The following MKLN1 variants were observed in gnomAD, a reference collection of about 807,000 sequenced individuals.
MKLN1 encodes the protein muskelin.
Under a neutral mutation model 99.0 loss-of-function variants are expected in MKLN1, and 18 were observed. That is an observed-to-expected ratio of 0.18 (90% CI 0.13 to 0.27). The LOEUF is 0.27. Among genes scored for constraint, MKLN1 ranks in the 10% least tolerant of loss-of-function variants. MKLN1 has a pLI of 1.00. For missense variants in MKLN1, 621 were observed against 875.9 expected, an observed-to-expected ratio of 0.71 and a Z score of 3.67; for synonymous variants, 288 against 293.2, an observed-to-expected ratio of 0.98 and a Z score of 0.18.
rs1421823990 is a variant in MKLN1, at chr7:131,429,097, T to C, written c.912T>C (p.Ser304=). ...TQDLADFWAY[S]VKENQWTCIS... is the part of the protein sequence containing the mutation. ...ATCTTGCTGACTTCTGGGCGTACAGTGTGAAGGAGAACCAGTGGACATGTA... is the reference window on the plus strand; with the variant it reads ...ATCTTGCTGACTTCTGGGCGTACAGCGTGAAGGAGAACCAGTGGACATGTA... Residue 304 remains serine (S), a synonymous_variant, in exon 9 of 18, where the codon AGT becomes AGC. Coordinates refer to ENST00000352689, the MANE Select transcript of MKLN1 (RefSeq NM_013255.5). The C allele has an allele frequency of 6.2e-7, 1 of 1,613,942 alleles. No individual in the cohort carries two copies.
At chr7:131,328,327 C>T in intron 1 of MKLN1, 1 of 282,888 alleles carries the variant, frequency 3.5e-6, no homozygotes, top group Non-Finnish European at 6.8e-6. Flanking sequence ...GGCTCTGGGG[C>T]AGGAATCGGA....
chr7:131,405,384 T>C (rs1220682192), intron 6 of MKLN1, among the ~76,000 whole-genome samples: 1 of 152,044 alleles, frequency 6.6e-6, no homozygotes. Flanking sequence ...CACATGTTTA[T>C]CAAGTGCACT....
chr7:131,113,687 A>AT (rs1795230998), intron 1 of MKLN1, among the ~76,000 whole-genome samples: 1 of 146,594 alleles, frequency 6.8e-6, no homozygotes, highest in Non-Finnish European at 1.5e-5. Flanking sequence ...AAAAAAAAAA[A>AT]TTAGCCAGGC....
intron 1 of MKLN1, among the ~76,000 whole-genome samples, chr7:131,139,630 T>C (rs1455046337): frequency 6.6e-6 from 1 of 152,098 alleles, no homozygotes; most frequent in Non-Finnish European, 1.5e-5. Context: ...AAGTGAGAGA[T>C]AGTGACAGTG....
intron 10 of MKLN1, among the ~76,000 whole-genome samples, chr7:131,441,839 T>C (rs142770646): frequency 1.0e-3 from 157 of 152,206 alleles, no homozygotes; most frequent in African/African-American, 3.6e-3. Context: ...AATCTGTGAG[T>C]TAATAAAAAA....
intron 3 of MKLN1, among the ~76,000 whole-genome samples, chr7:131,230,091 C>T (rs920402061): frequency 6.6e-6 from 1 of 152,148 alleles, no homozygotes; most frequent in Non-Finnish European, 1.5e-5. Context: ...ACCCATTTAA[C>T]AAGATTCTGT....
intron 6 of MKLN1, among the ~76,000 whole-genome samples, chr7:131,408,347 T>C (rs1379099148): frequency 2.0e-5 from 3 of 152,226 alleles, no homozygotes; most frequent in Non-Finnish European, 4.4e-5. Flanking sequence ...GATCTAATCA[T>C]TCTTGAATGG....
chr7:131,131,193 TTAAA>T lies in MKLN1; in HGVS notation c.-418-11598_-418-11595del, dbSNP rs56293710. ...AAATATAGTGAGACCTCACCTCTAC[TTAAA>T]TAAATAAATAAATAAATAAATAAAT... On this transcript the variant is annotated intron_variant, in intron 1 of 7. Coordinates refer to the MKLN1 transcript ENST00000416992. 4.6e-3 allele frequency among the ~76,000 whole-genome samples: 621 copies of T among 136,128 alleles called. 1 individual carries two copies. Among genetic ancestry groups the T allele is most frequent in the Non-Finnish European group, 6.0e-3 (385 of 64,518 alleles). 89.3% of individuals were successfully genotyped at this position (136,128 alleles called of 152,430 possible).
chr7:131,340,318 G>T (rs544328506), intron 1 of MKLN1, among the ~76,000 whole-genome samples: 1 of 119,336 alleles, frequency 8.4e-6, no homozygotes, highest in African/African-American at 3.3e-5. Context: ...TCGCTTTGTC[G>T]CCCAGGCTGG....
intron 2 of MKLN1, among the ~76,000 whole-genome samples, chr7:131,196,432 G>T (rs953704740): frequency 6.6e-6 from 1 of 152,098 alleles, no homozygotes; most frequent in African/African-American, 2.4e-5. Context: ...AAGGAAAAAA[G>T]GCTGAACAAC....
At chr7:131,239,401 C>A (rs1370463747) in intron 3 of MKLN1, among the ~76,000 whole-genome samples, 1 of 151,880 alleles carries the variant, frequency 6.6e-6, no homozygotes, top group Non-Finnish European at 1.5e-5. Context: ...CTCACTGCAG[C>A]CTCAAACTCC....
chr7:131,215,526 G>A (rs1053518317), intron 3 of MKLN1, among the ~76,000 whole-genome samples: 1 of 150,746 alleles, frequency 6.6e-6, no homozygotes, highest in Non-Finnish European at 1.5e-5. Context: ...TAGATTATCC[G>A]GGGATCTTGC....
rs563927423 is a variant in MKLN1 at position 131,152,725 on chromosome 7, C to T, written c.-297+9784C>T. On this transcript the variant is annotated intron_variant, in intron 2 of 7. Transcript: ENST00000416992. ...ATGTTGGCCAGGGTGCTCTCGAACT[C>T]CTGACCTCGTGATCCACCCTGCTCG... 1.9e-4 allele frequency among the ~76,000 whole-genome samples: 29 copies of T among 151,916 alleles called. 1 individual carries two copies. In the South Asian group the frequency reaches 5.8e-3, roughly 30 times the overall value.
chr7:131,191,327 C>T (rs4728211), intron 2 of MKLN1, among the ~76,000 whole-genome samples: 17,772 of 152,206 alleles, frequency 0.12, 1,366 homozygotes, highest in South Asian at 0.29. Flanking sequence ...GAAATCAATG[C>T]CTTTCCAGAG....
At chr7:131,206,911 A>G (rs1302764747) in intron 3 of MKLN1, among the ~76,000 whole-genome samples, 1 of 152,078 alleles carries the variant, frequency 6.6e-6, no homozygotes, top group Non-Finnish European at 1.5e-5. Flanking sequence ...TTATTAATGC[A>G]TGATTTAAAA....
intron 1 of MKLN1, among the ~76,000 whole-genome samples, chr7:131,126,547 TCCTA>T (rs944558731): frequency 1.8e-4 from 27 of 152,118 alleles, no homozygotes; most frequent in African/African-American, 6.3e-4. Flanking sequence ...TGGTGGTGCA[TCCTA>T]CCATATATAT....
At chr7:131,447,007 C>A (rs764287825) in intron 12 of MKLN1, among the ~76,000 whole-genome samples, 1 of 152,006 alleles carries the variant, frequency 6.6e-6, no homozygotes, top group Non-Finnish European at 1.5e-5. Context: ...ATGTAAAAAA[C>A]GAAGGATAGG....
intron 3 of MKLN1, among the ~76,000 whole-genome samples, chr7:131,247,899 T>G (rs1345712227): frequency 6.6e-6 from 1 of 151,910 alleles, no homozygotes; most frequent in Non-Finnish European, 1.5e-5. Flanking sequence ...TTTGTTTTGT[T>G]TGTGCGTGTG....
chr7:131,187,796 A>G (rs1454382448), intron 2 of MKLN1, among the ~76,000 whole-genome samples: 1 of 152,138 alleles, frequency 6.6e-6, no homozygotes, highest in African/African-American at 2.4e-5. Flanking sequence ...CTAAAGGTAC[A>G]CACAAAAAAA....
Sources: gnomAD v4.1 joint callset for allele counts (sites outside exome capture counted in the v4.1 genomes callset) on GRCh38, gnomAD v4.1.1 for gene constraint, MANE v1.5 for transcripts, NCBI Gene and HGNC (gene_info 2026-07-23, HGNC 2026-07-21) for gene names.